Variants in PPP1R12B observed in about 807,000 individuals in gnomAD.
PPP1R12B encodes myosin phosphatase target subunit 2.
Under a neutral mutation model 126.1 loss-of-function variants are expected in PPP1R12B, and 76 were observed. That is an observed-to-expected ratio of 0.60 (90% CI 0.50 to 0.73). The LOEUF is 0.73. PPP1R12B is among the 30% of genes least tolerant of loss of function. The pLI is 0.00. For missense variants in PPP1R12B, 1,052 were observed against 1,205.1 expected (o/e 0.87, Z 1.88); for synonymous variants, 356 against 434.7 (o/e 0.82, Z 2.25).
chr1:202,530,413 A>G (rs1173456111), intron 18 of PPP1R12B, among the ~76,000 whole-genome samples: 2 of 152,170 alleles, frequency 1.3e-5, no homozygotes, highest in African/African-American at 4.8e-5. Context: ...GTGAAGGGGG[A>G]AAAGCTATGT....
chr1:202,547,118 C>A (rs574899747), intron 18 of PPP1R12B, among the ~76,000 whole-genome samples: 2 of 152,226 alleles, frequency 1.3e-5, no homozygotes, highest in South Asian at 4.2e-4. Context: ...AGTACCTAAC[C>A]TAAGCTGTGT....
At chr1:202,430,611 A>G in intron 6 of PPP1R12B, 120 bp from the exon 7 acceptor site, 7 of 977,182 alleles carry the variant, frequency 7.2e-6, no homozygotes, top group Middle Eastern at 2.2e-4. Context: ...GTTCCCCACT[A>G]CCTCTTTGGT....
At chr1:202,522,841 G>A (rs1358175983) in intron 18 of PPP1R12B, among the ~76,000 whole-genome samples, 1 of 151,898 alleles carries the variant, frequency 6.6e-6, no homozygotes, top group Admixed American at 6.6e-5. Flanking sequence ...TATAAATAAG[G>A]AACAATCCAT....
Position 202,493,320 on chromosome 1 carries a change from G to A in PPP1R12B, c.2145+3G>A, listed in dbSNP as rs1197860257. On this transcript the variant is annotated splice_donor_region_variant and intron_variant, in intron 15 of 23. Transcript: ENST00000608999. ...GGGGCAGGAGTCTGGATGAAGAGGT[G>A]AGCTCATTTTTGCTGGCATGTACTG... 4 of 1,611,176 alleles carry A rather than the reference G, an allele frequency of 2.5e-6. No homozygotes were observed. In the East Asian group the frequency reaches 6.7e-5, roughly 27 times the overall value.
At chr1:202,389,739 C>T (rs1163253646) in intron 1 of PPP1R12B, among the ~76,000 whole-genome samples, 1 of 151,544 alleles carries the variant, frequency 6.6e-6, no homozygotes, top group Non-Finnish European at 1.5e-5. Context: ...CCAGCCTGGC[C>T]AACATAGTGA....
intron 18 of PPP1R12B, among the ~76,000 whole-genome samples, chr1:202,524,373 T>G (rs1683098836): frequency 3.3e-5 from 5 of 152,210 alleles, no homozygotes; most frequent in Admixed American, 2.6e-4. Flanking sequence ...TATTTATTTA[T>G]TTATTTTTCC....
intron 18 of PPP1R12B, among the ~76,000 whole-genome samples, chr1:202,539,163 C>G (rs1684852425): frequency 6.6e-6 from 1 of 152,166 alleles, no homozygotes; most frequent in South Asian, 2.1e-4. Context: ...GTTGAAAAAT[C>G]CCCCTTCTCA....
At chr1:202,394,978 T>C (rs547192924) in intron 1 of PPP1R12B, among the ~76,000 whole-genome samples, 1 of 151,308 alleles carries the variant, frequency 6.6e-6, no homozygotes, top group South Asian at 2.1e-4. Context: ...ATTAGCTGGA[T>C]GTGGTAGTGG....
intron 13 of PPP1R12B, among the ~76,000 whole-genome samples, chr1:202,465,711 C>A (rs993396699): frequency 3.3e-5 from 5 of 152,166 alleles, no homozygotes; most frequent in African/African-American, 1.2e-4. Flanking sequence ...AGTGATTTTT[C>A]TTCCTCTTCC....
At chr1:202,442,617 C>T (rs1671776986) in intron 12 of PPP1R12B, 45 bp downstream of exon 12, 2 of 1,557,174 alleles carry the variant, frequency 1.3e-6, no homozygotes, top group Non-Finnish European at 1.7e-6. Flanking sequence ...TCACTCTAGC[C>T]ATGGGAAATG....
At chr1:202,523,769 C>T (rs964362209) in intron 18 of PPP1R12B, among the ~76,000 whole-genome samples, 29 of 152,084 alleles carry the variant, frequency 1.9e-4, no homozygotes, top group African/African-American at 6.8e-4. Flanking sequence ...GGATGGAGTG[C>T]ATTGGCGCCA....
At chr1:202,536,837 A>G (rs1366962758) in intron 18 of PPP1R12B, among the ~76,000 whole-genome samples, 2 of 152,086 alleles carry the variant, frequency 1.3e-5, no homozygotes, top group Non-Finnish European at 2.9e-5. Context: ...GCTTAGGCCT[A>G]CACAGGGTCA....
At chr1:202,492,849 C>A (rs918448389) in intron 14 of PPP1R12B, among the ~76,000 whole-genome samples, 5 of 152,104 alleles carry the variant, frequency 3.3e-5, no homozygotes, top group Non-Finnish European at 5.9e-5. Context: ...AACAGGCAGA[C>A]ATCAGTGTTG....
intron 13 of PPP1R12B, among the ~76,000 whole-genome samples, chr1:202,475,863 T>G (rs1676572455): frequency 6.6e-6 from 1 of 151,914 alleles, no homozygotes; most frequent in Non-Finnish European, 1.5e-5. Flanking sequence ...AAGGTTTTTT[T>G]GGGATCTCTG....
At chr1:202,360,372 C>T (rs1261679350) in intron 1 of PPP1R12B, among the ~76,000 whole-genome samples, 2 of 152,082 alleles carry the variant, frequency 1.3e-5, no homozygotes, top group East Asian at 1.9e-4. Context: ...ACAAGAAGCT[C>T]CTTGTATTGC....
In PPP1R12B at chr1:202,562,831, C is replaced by G. The variant is rs1687666150; in HGVS notation, c.2561C>G (p.Ala854Gly). The G allele has an allele frequency of 6.2e-7, 1 of 1,613,330 alleles. No individual in the cohort carries two copies. Residue 854 changes from alanine to glycine, a missense_variant, in exon 20 of 24, where the codon GCT (alanine) becomes GGT (glycine). Physicochemically the swap from Ala to Gly is moderately conservative, Grantham distance 60. Coordinates refer to ENST00000608999, the MANE Select transcript of PPP1R12B (RefSeq NM_002481.4). Reference sequence around the variant, plus strand: ...ACCAGTGATTCTTACGGTGACCGGGCTTCAGCAAGAGCCCGTCGGGAGGCC... The same window carrying G: ...ACCAGTGATTCTTACGGTGACCGGGGTTCAGCAAGAGCCCGTCGGGAGGCC... ...PTTSDSYGDRASARARREARE... is the reference protein window; with the variant it reads ...PTTSDSYGDRGSARARREARE...
At position 202,586,148 on chromosome 1, in the gene PPP1R12B, AG is replaced by A. The variant is rs1313373589; in HGVS notation, c.*5590del. On this transcript the variant is annotated 3_prime_UTR_variant, in exon 24 of 24. Transcript: ENST00000608999. ...TTCAAGATGGTCTTTCCTTCAAAGC[AG>A]GTCTGAAGAGGAGACTACCAAAGCA... The A allele has an allele frequency of 6.6e-6, 1 of 152,282 alleles. No homozygotes were observed. The highest frequency in any genetic ancestry group is 2.4e-5 in the African/African-American group (1 of 41,456). The allele number at this position is 152,282 out of a possible 1,614,324, so 9.4% of individuals were successfully genotyped here. A position where few individuals can be genotyped will look rare whatever the true frequency, so the allele number is the denominator to read the frequency against.
rs541431710 is a variant in PPP1R12B, at chr1:202,430,161, C to T, written c.922-570C>T. Among the ~76,000 whole-genome samples, 271 of 152,200 alleles carry T rather than the reference C, an allele frequency of 1.8e-3. 2 individuals are homozygous for T. The highest frequency in any genetic ancestry group is 2.9e-3 in the Non-Finnish European group (199 of 68,006). On this transcript the variant is annotated intron_variant, in intron 6 of 23. Transcript: ENST00000608999. ...TGGAAGTTGCAAAAATAGAGAGTTC[C>T]TGTGTATTCTGTACCTAGCATGGTA...
chr1:202,507,248 A>T (rs1177333288), intron 18 of PPP1R12B, among the ~76,000 whole-genome samples: 1 of 152,190 alleles, frequency 6.6e-6, no homozygotes, highest in Non-Finnish European at 1.5e-5. Context: ...CTCTGCCTTC[A>T]TGGTAACTAT....
Sources: allele counts gnomAD v4.1 joint callset (sites outside exome capture counted in the v4.1 genomes callset), GRCh38; gene constraint gnomAD v4.1.1; transcripts MANE v1.5; gene names NCBI Gene and HGNC (gene_info 2026-07-23, HGNC 2026-07-21).